Variants in TTC39B observed in about 807,000 individuals in gnomAD.
TTC39B encodes tetratricopeptide repeat protein 39B.
TTC39B carries 92 observed loss-of-function variants against 96.6 expected under a neutral mutation model. That is an observed-to-expected ratio of 0.95 (90% CI 0.80 to 1.13). The LOEUF (loss-of-function observed/expected upper bound fraction) is 1.13, where lower values mean the gene tolerates loss of function less well. Among genes scored for constraint, TTC39B ranks in the 50% most tolerant of loss-of-function variants. The pLI is 0.00. For missense variants in TTC39B, 955 were observed against 809.3 expected (o/e 1.18, Z -2.18); for synonymous variants, 367 against 299.4 (o/e 1.23, Z -2.33).
At chr9:15,232,828 G>C (rs1440430122) in intron 2 of TTC39B, among the ~76,000 whole-genome samples, 2 of 152,172 alleles carry the variant, frequency 1.3e-5, no homozygotes, top group African/African-American at 4.8e-5. Flanking sequence ...GCTTTTTGGA[G>C]AGGCCGCCTA....
At chr9:15,234,626 T>G (rs1821679439) in intron 2 of TTC39B, among the ~76,000 whole-genome samples, 1 of 152,052 alleles carries the variant, frequency 6.6e-6, no homozygotes, top group Admixed American at 6.5e-5. Context: ...AATCGGATGG[T>G]TGCCGTGTCT....
chr9:15,267,732 G>A (rs947857881), intron 2 of TTC39B, among the ~76,000 whole-genome samples, 182 bp downstream of exon 2: 3 of 152,080 alleles, frequency 2.0e-5, no homozygotes, highest in Non-Finnish European at 4.4e-5. Flanking sequence ...GTATCTGAAA[G>A]TATTAGATAG....
At chr9:15,182,478 C>A in intron 16 of TTC39B, 63 bp from the exon 17 acceptor site, 1 of 1,114,546 alleles carries the variant, frequency 9.0e-7, no homozygotes. Flanking sequence ...CTTTATGATC[C>A]CCAAACAATG....
intron 2 of TTC39B, among the ~76,000 whole-genome samples, chr9:15,241,559 C>A (rs987855930): frequency 1.3e-4 from 19 of 151,810 alleles, no homozygotes; most frequent in African/African-American, 4.6e-4. Context: ...TAAAATCTAA[C>A]TGAATAAAAA....
intron 4 of TTC39B, among the ~76,000 whole-genome samples, chr9:15,211,938 G>T (rs950339414): frequency 6.6e-6 from 1 of 152,194 alleles, no homozygotes. Context: ...CCCATTATCT[G>T]AAGTTCCTGA....
intron 3 of TTC39B, among the ~76,000 whole-genome samples, chr9:15,219,608 C>T (rs1447036518): frequency 6.6e-6 from 1 of 152,188 alleles, no homozygotes; most frequent in Non-Finnish European, 1.5e-5. Flanking sequence ...AAGGAACATC[C>T]TTATCTCCGA....
chr9:15,250,458 G>A (rs1478416685), intron 2 of TTC39B, among the ~76,000 whole-genome samples: 1 of 151,280 alleles, frequency 6.6e-6, no homozygotes, highest in Non-Finnish European at 1.5e-5. Flanking sequence ...GAAAAATGTA[G>A]GCTGTTATTG....
chr9:15,183,609 C>G (rs746977951), intron 16 of TTC39B, among the ~76,000 whole-genome samples: 1 of 152,084 alleles, frequency 6.6e-6, no homozygotes, highest in African/African-American at 2.4e-5. Flanking sequence ...TACGTATACA[C>G]TGGTATCTAA....
At chr9:15,268,054 C>A (rs1308389939) in intron 1 of TTC39B, 106 bp from the exon 2 acceptor site, 2 of 970,414 alleles carry the variant, frequency 2.1e-6, no homozygotes, top group African/African-American at 3.3e-5. Flanking sequence ...GTGGTCCTGG[C>A]AGGAAGGTAT....
chr9:15,216,335 C>T (rs926384208), intron 3 of TTC39B, among the ~76,000 whole-genome samples: 13 of 152,260 alleles, frequency 8.5e-5, no homozygotes, highest in Middle Eastern at 3.4e-3. Context: ...GGTGGATGGA[C>T]GGGTACAACT....
chr9:15,256,755 C>T (rs1459248969), intron 2 of TTC39B, among the ~76,000 whole-genome samples: 2 of 152,120 alleles, frequency 1.3e-5, no homozygotes, highest in African/African-American at 2.4e-5. Context: ...ACGCTCCAAT[C>T]CGGAGCAGCA....
chr9:15,240,596 G>T (rs1821995547), intron 2 of TTC39B, among the ~76,000 whole-genome samples: 1 of 151,920 alleles, frequency 6.6e-6, no homozygotes, highest in Admixed American at 6.6e-5. Flanking sequence ...CTATATTCAT[G>T]AAGGGAATAT....
chr9:15,199,838 C>T, intron 8 of TTC39B, 23 bp downstream of exon 8: 1 of 1,297,552 alleles, frequency 7.7e-7, no homozygotes, highest in Non-Finnish European at 1.1e-6. Context: ...TATTTACAAA[C>T]CACATCTTAC....
intron 19 of TTC39B, 138 bp downstream of exon 19, chr9:15,174,877 TCAAC>T: frequency 3.0e-6 from 2 of 661,102 alleles, no homozygotes; most frequent in Non-Finnish European, 2.7e-6. Context: ...TGAGCATAAA[TCAAC>T]CAGAAGTTAG....
chr9:15,235,437 A>C (rs1821732513), intron 2 of TTC39B, among the ~76,000 whole-genome samples: 1 of 152,190 alleles, frequency 6.6e-6, no homozygotes. Flanking sequence ...ACAGAGGTGA[A>C]CATACAGATA....
chr9:15,184,216 T>C (rs1818399521), intron 16 of TTC39B, among the ~76,000 whole-genome samples: 1 of 152,116 alleles, frequency 6.6e-6, no homozygotes, highest in African/African-American at 2.4e-5. Context: ...TTGGTAGAGC[T>C]TTTTTTGAGG....
rs113999894 is a variant in TTC39B, at chr9:15,264,159, A to G, written c.275+3755T>C. 7.9e-3 allele frequency among the ~76,000 whole-genome samples: 1,206 copies of G among 152,306 alleles called. 19 individuals are homozygous for G. The highest frequency in any genetic ancestry group is 0.028 in the African/African-American group (1,166 of 41,564). On this transcript the variant is annotated intron_variant, in intron 2 of 19. Coordinates refer to ENST00000512701, the Ensembl canonical transcript of TTC39B. ...CTATAACAGAGTTGACAGTAGAATA[A>G]AAGACACCAAGACAATGCTTCTCGA...
At chr9:15,281,353 G>A (rs1028584782) in intron 1 of TTC39B, among the ~76,000 whole-genome samples, 1 of 152,074 alleles carries the variant, frequency 6.6e-6, no homozygotes, top group Non-Finnish European at 1.5e-5. Context: ...CAGTAAGTAC[G>A]AAATAATGTC....
chr9:15,187,074 G>A (rs1251873355), intron 14 of TTC39B, 39 bp from the exon 15 acceptor site: 1 of 1,463,322 alleles, frequency 6.8e-7, no homozygotes, highest in Non-Finnish European at 9.3e-7. Flanking sequence ...AACATCCCTA[G>A]GTAAATGACA....
Sources: allele counts gnomAD v4.1 joint callset (sites outside exome capture counted in the v4.1 genomes callset), GRCh38; gene constraint gnomAD v4.1.1; transcripts MANE v1.5; gene names NCBI Gene and HGNC (gene_info 2026-07-23, HGNC 2026-07-21).